Variants in CAST observed in about 807,000 individuals in gnomAD.
CAST encodes MIR583 host.
A neutral mutation model predicts 119.6 loss-of-function variants in CAST; 76 were observed. The observed-to-expected ratio is 0.64, with a 90% CI of 0.53 to 0.77. The LOEUF (loss-of-function observed/expected upper bound fraction) is 0.77, where lower values mean the gene tolerates loss of function less well. CAST is among the 30% of genes least tolerant of loss of function. The probability of loss-of-function intolerance (pLI) is 0.00; values close to 1 mark genes in which losing one functional copy is unlikely to be tolerated. For missense variants in CAST, 953 were observed against 946.5 expected (o/e 1.01, Z -0.09); for synonymous variants, 319 against 331.6 (o/e 0.96, Z 0.41).
the CAST span, among the ~76,000 whole-genome samples, chr5:96,191,499 A>G: frequency 6.6e-6 from 1 of 152,360 alleles, no homozygotes; most frequent in South Asian, 2.1e-4. Context: ...CCAAGATTCA[A>G]ATTTCATCTC....
chr5:96,547,873 C>G (rs1322675073), intron 1 of CAST, among the ~76,000 whole-genome samples: 1 of 152,150 alleles, frequency 6.6e-6, no homozygotes, highest in African/African-American at 2.4e-5. Context: ...GGTTCACAAT[C>G]TTGGTAGGAA....
the CAST span, among the ~76,000 whole-genome samples, chr5:96,372,781 C>T: frequency 3.9e-5 from 6 of 152,190 alleles, no homozygotes; most frequent in Admixed American, 2.0e-4. Flanking sequence ...TTCTGTGACC[C>T]TCTTTCCTGG....
At chr5:96,411,842 C>G in the CAST span, among the ~76,000 whole-genome samples, 3 of 152,204 alleles carry the variant, frequency 2.0e-5, no homozygotes, top group African/African-American at 7.2e-5. Flanking sequence ...CAGGGTCTCA[C>G]TCTGTCACCC....
At chr5:96,292,080 G>A in the CAST span, among the ~76,000 whole-genome samples, 2 of 151,944 alleles carry the variant, frequency 1.3e-5, no homozygotes, top group African/African-American at 4.8e-5. Context: ...GAATGAGAAG[G>A]AAAGAGGCAA....
chr5:95,983,730 A>G, the CAST span, among the ~76,000 whole-genome samples: 1 of 152,226 alleles, frequency 6.6e-6, no homozygotes, highest in Non-Finnish European at 1.5e-5. Flanking sequence ...TGGAGGTTTT[A>G]GAATAATACT....
chr5:96,628,396 A>G (rs1373030268), intron 1 of CAST, among the ~76,000 whole-genome samples: 1 of 151,776 alleles, frequency 6.6e-6, no homozygotes, highest in African/African-American at 2.4e-5. Context: ...GTGTAGATGA[A>G]CTCAGCAAAG....
chr5:96,041,053 T>A, the CAST span, among the ~76,000 whole-genome samples: 39 of 152,228 alleles, frequency 2.6e-4, no homozygotes, highest in Non-Finnish European at 4.1e-4. Flanking sequence ...TCAGAACCTG[T>A]TATTGGTCTA....
At chr5:96,654,047 C>T (rs1402986211) in intron 1 of CAST, among the ~76,000 whole-genome samples, 7 of 134,678 alleles carry the variant, frequency 5.2e-5, no homozygotes, top group Non-Finnish European at 7.7e-5. Flanking sequence ...TTTTTTGAGA[C>T]GGAGTCTCAC....
At chr5:96,223,898 T>C in the CAST span, among the ~76,000 whole-genome samples, 1 of 152,222 alleles carries the variant, frequency 6.6e-6, no homozygotes, top group African/African-American at 2.4e-5. Context: ...TTCATGGAAT[T>C]AACAAGCAGG....
At chr5:96,567,992 A>G (rs1746503807) in intron 1 of CAST, among the ~76,000 whole-genome samples, 1 of 152,130 alleles carries the variant, frequency 6.6e-6, no homozygotes, top group Non-Finnish European at 1.5e-5. Flanking sequence ...TCCTGATCAG[A>G]GCTGCTTCAT....
At chr5:96,700,694 T>C (rs548586233) in intron 3 of CAST, among the ~76,000 whole-genome samples, 29 of 152,224 alleles carry the variant, frequency 1.9e-4, no homozygotes, top group Admixed American at 7.2e-4. Context: ...GATTCTCAGG[T>C]TTGAAGCCAA....
At chr5:96,110,485 A>C in the CAST span, among the ~76,000 whole-genome samples, 1 of 152,206 alleles carries the variant, frequency 6.6e-6, no homozygotes, top group African/African-American at 2.4e-5. Flanking sequence ...AGAGTGAATT[A>C]GCTGGAGGGG....
chr5:96,302,684 G>A, the CAST span, among the ~76,000 whole-genome samples: 6 of 152,266 alleles, frequency 3.9e-5, no homozygotes, highest in South Asian at 1.2e-3. Flanking sequence ...CTAGAGCAGG[G>A]GCACAATGCC....
chr5:96,552,194 A>T (rs1365564812), intron 1 of CAST, among the ~76,000 whole-genome samples: 2 of 152,244 alleles, frequency 1.3e-5, no homozygotes, highest in Non-Finnish European at 2.9e-5. Flanking sequence ...TAAATCTAAA[A>T]GAACAGAAAT....
chr5:96,679,338 A>G (rs1265232787), intron 2 of CAST: 1 of 152,278 alleles, frequency 6.6e-6, no homozygotes, highest in Non-Finnish European at 1.5e-5. Flanking sequence ...TTACAGGACC[A>G]AAAGTTGCAT....
the CAST span, among the ~76,000 whole-genome samples, chr5:96,363,513 A>C: frequency 1.3e-5 from 2 of 152,066 alleles, no homozygotes; most frequent in Non-Finnish European, 2.9e-5. Context: ...TATGTCGTTG[A>C]GCAGTGGTTT....
chr5:96,318,851 A>T, the CAST span: 1 of 152,142 alleles, frequency 6.6e-6, no homozygotes, highest in Non-Finnish European at 1.5e-5. Context: ...ATTAGTAGTT[A>T]ATGCTACAGT....
At chr5:96,618,074 T>C (rs1747505591) in intron 1 of CAST, among the ~76,000 whole-genome samples, 1 of 152,070 alleles carries the variant, frequency 6.6e-6, no homozygotes, top group Non-Finnish European at 1.5e-5. Flanking sequence ...GAGCTTGGCT[T>C]AGAATGGGAA....
chr5:96,286,528 GA>G, the CAST span, among the ~76,000 whole-genome samples: 1 of 152,152 alleles, frequency 6.6e-6, no homozygotes, highest in Non-Finnish European at 1.5e-5. Context: ...TTGTGACTTG[GA>G]AACACCATGC....
Sources: gnomAD v4.1 joint callset for allele counts (sites outside exome capture counted in the v4.1 genomes callset) on GRCh38, gnomAD v4.1.1 for gene constraint, MANE v1.5 for transcripts, NCBI Gene and HGNC (gene_info 2026-07-23, HGNC 2026-07-21) for gene names.